CNTNAP5: variants seen among roughly 807,000 people sequenced by gnomAD.
CNTNAP5 encodes contactin-associated protein-like 5.
CNTNAP5 carries 72 observed loss-of-function variants against 150.2 expected under a neutral mutation model. The observed-to-expected ratio is 0.48, with a 90% CI of 0.40 to 0.58. CNTNAP5 has a LOEUF of 0.58. Among genes scored for constraint, CNTNAP5 ranks in the 20% least tolerant of loss-of-function variants. The pLI is 0.00. For synonymous variants in CNTNAP5, 672 were observed against 619.8 expected (o/e 1.08, Z -1.25); for missense variants, 1,636 against 1,626.2 (o/e 1.01, Z -0.10).
intron 12 of CNTNAP5, among the ~76,000 whole-genome samples, chr2:124,634,358 A>G (rs1349462522): frequency 6.6e-6 from 1 of 152,138 alleles, no homozygotes; most frequent in Admixed American, 6.5e-5. Flanking sequence ...ATCACTCTCA[A>G]ATTCAAAATT....
intron 19 of CNTNAP5, among the ~76,000 whole-genome samples, chr2:124,818,255 C>T (rs1682409142): frequency 6.6e-6 from 1 of 152,164 alleles, no homozygotes; most frequent in Non-Finnish European, 1.5e-5. Flanking sequence ...CACTGAGCAA[C>T]CATGATCCCT....
intron 19 of CNTNAP5, among the ~76,000 whole-genome samples, chr2:124,835,124 C>A (rs1183345499): frequency 6.6e-6 from 1 of 152,096 alleles, no homozygotes; most frequent in Non-Finnish European, 1.5e-5. Context: ...CAAATGTAAT[C>A]AAACTACACA....
At chr2:124,352,966 A>G (rs527641402) in intron 3 of CNTNAP5, among the ~76,000 whole-genome samples, 78 of 152,298 alleles carry the variant, frequency 5.1e-4, no homozygotes, top group African/African-American at 1.9e-3. Flanking sequence ...TGTCAAGGTG[A>G]AGCAGAACTA....
intron 1 of CNTNAP5, among the ~76,000 whole-genome samples, chr2:124,146,753 G>A (rs893640664): frequency 2.0e-5 from 3 of 152,066 alleles, no homozygotes; most frequent in African/African-American, 7.2e-5. Context: ...TCTCTTTGTT[G>A]TTTTAGTTTA....
chr2:124,236,246 G>A (rs1216554903), intron 2 of CNTNAP5, among the ~76,000 whole-genome samples: 1 of 152,110 alleles, frequency 6.6e-6, no homozygotes, highest in Non-Finnish European at 1.5e-5. Context: ...GATTACAGGC[G>A]TGAGCCAAGT....
intron 3 of CNTNAP5, among the ~76,000 whole-genome samples, chr2:124,291,009 A>C (rs994566689): frequency 1.3e-5 from 2 of 152,138 alleles, no homozygotes; most frequent in African/African-American, 4.8e-5. Flanking sequence ...TGACAGTCAC[A>C]GAGTGAGATC....
At chr2:124,762,771 T>G (rs1680985274) in intron 14 of CNTNAP5, among the ~76,000 whole-genome samples, 1 of 152,108 alleles carries the variant, frequency 6.6e-6, no homozygotes, top group African/African-American at 2.4e-5. Context: ...TGTGGCATTG[T>G]CCCTGTCTCT....
chr2:124,294,352 C>G (rs184093557), intron 3 of CNTNAP5, among the ~76,000 whole-genome samples: 2 of 151,776 alleles, frequency 1.3e-5, no homozygotes, highest in Admixed American at 1.3e-4. Context: ...ATAAGTAAAA[C>G]AGGAATTTTT....
chr2:124,778,423 T>C (rs1573611062), intron 17 of CNTNAP5: 1 of 152,554 alleles, frequency 6.6e-6, no homozygotes, highest in African/African-American at 2.4e-5. Context: ...TTTGAACACA[T>C]GCACAAGTGG....
intron 19 of CNTNAP5, among the ~76,000 whole-genome samples, chr2:124,806,022 TG>T (rs1342607838): frequency 2.0e-5 from 3 of 152,212 alleles, no homozygotes; most frequent in African/African-American, 7.2e-5. Flanking sequence ...ATGAATCTTG[TG>T]GAGACACAAA....
At chr2:124,344,952 T>C (rs936463437) in intron 3 of CNTNAP5, among the ~76,000 whole-genome samples, 3 of 152,132 alleles carry the variant, frequency 2.0e-5, no homozygotes, top group Non-Finnish European at 4.4e-5. Flanking sequence ...TCTCTGTACT[T>C]GGAAGTGGGG....
intron 5 of CNTNAP5, among the ~76,000 whole-genome samples, chr2:124,444,127 G>A (rs756818286): frequency 8.6e-5 from 13 of 151,894 alleles, no homozygotes; most frequent in East Asian, 1.9e-4. Context: ...TTCTATCTCC[G>A]TCACCTGGAG....
chr2:124,565,749 A>G (rs13394524), intron 11 of CNTNAP5, among the ~76,000 whole-genome samples: 2,517 of 151,656 alleles, frequency 0.017, 67 homozygotes, highest in African/African-American at 0.056. Flanking sequence ...ACAGGTGCCC[A>G]CCACCACGCC....
chr2:124,488,923 C>G (rs1439573875), intron 7 of CNTNAP5, among the ~76,000 whole-genome samples: 1 of 152,084 alleles, frequency 6.6e-6, no homozygotes, highest in African/African-American at 2.4e-5. Context: ...TCACGTGTCT[C>G]CCTCCACTAA....
intron 3 of CNTNAP5, among the ~76,000 whole-genome samples, chr2:124,400,280 T>G (rs1691372621): frequency 6.6e-6 from 1 of 151,956 alleles, no homozygotes; most frequent in African/African-American, 2.4e-5. Flanking sequence ...TATGCATATA[T>G]TTAGTTTGTC....
intron 5 of CNTNAP5, among the ~76,000 whole-genome samples, chr2:124,441,056 C>G (rs1692661962): frequency 6.6e-6 from 1 of 152,042 alleles, no homozygotes; most frequent in Non-Finnish European, 1.5e-5. Flanking sequence ...AAATACAATT[C>G]TAAACATCCT....
chr2:124,462,133 TCAATAGCCAC>T (rs1173967084), intron 6 of CNTNAP5, among the ~76,000 whole-genome samples: 1 of 152,046 alleles, frequency 6.6e-6, no homozygotes, highest in Non-Finnish European at 1.5e-5. Context: ...TCCCTATTCC[TCAATAGCCAC>T]CAAGAAAAAC....
At chr2:124,908,319 TGAG>T (rs1240877867) in intron 22 of CNTNAP5, among the ~76,000 whole-genome samples, 2 of 151,746 alleles carry the variant, frequency 1.3e-5, no homozygotes, top group African/African-American at 4.8e-5. Context: ...TGCAGTGAGC[TGAG>T]ATCACACCAC....
At chr2:124,122,792 A>C (rs893622) in intron 1 of CNTNAP5, among the ~76,000 whole-genome samples, 21,104 of 113,354 alleles carry the variant, frequency 0.19, 1,617 homozygotes, top group Non-Finnish European at 0.23. Context: ...ACACACACAC[A>C]CCCACACCTT....
Sources: allele counts gnomAD v4.1 joint callset (sites outside exome capture counted in the v4.1 genomes callset), GRCh38; gene constraint gnomAD v4.1.1; transcripts MANE v1.5; gene names NCBI Gene and HGNC (gene_info 2026-07-23, HGNC 2026-07-21).